Variants in POLE observed in about 807,000 individuals in gnomAD.
The protein encoded by POLE is DNA polymerase epsilon, catalytic subunit.
A neutral mutation model predicts 279.2 loss-of-function variants in POLE; 188 were observed. The observed-to-expected ratio is 0.67, with a 90% CI of 0.60 to 0.76. POLE has a LOEUF of 0.76. Ranked by LOEUF, POLE falls within the 30% of genes least tolerant of loss-of-function variation. POLE has a pLI of 0.00. For synonymous variants in POLE, 1,214 were observed against 1,172.5 expected (o/e 1.04, Z -0.72); for missense variants, 2,703 against 3,016.7 (o/e 0.90, Z 2.44).
At chr12:132,625,903 C>T (rs2041829247) in intron 46 of POLE, 133 bp from the exon 47 acceptor site, 3 of 1,293,158 alleles carry the variant, frequency 2.3e-6, no homozygotes, top group Admixed American at 2.1e-5. Flanking sequence ...CAGCTGCACG[C>T]ACTCTGGCCT....
chr12:132,653,876 T>G (rs528032657), intron 29 of POLE, among the ~76,000 whole-genome samples: 4 of 152,320 alleles, frequency 2.6e-5, no homozygotes, highest in African/African-American at 7.2e-5. Context: ...CATGAGCAGA[T>G]GTTAAAGTTT....
chr12:132,663,380 C>T (rs1287559105), intron 23 of POLE, among the ~76,000 whole-genome samples: 4 of 152,256 alleles, frequency 2.6e-5, no homozygotes, highest in African/African-American at 4.8e-5. Flanking sequence ...CGTGTGAGAA[C>T]GTGGGGAGGG....
At chr12:132,659,225 G>T in intron 26 of POLE, 70 bp downstream of exon 26, 1 of 1,495,552 alleles carries the variant, frequency 6.7e-7, no homozygotes, top group South Asian at 1.2e-5. Context: ...ACCTCTCCGT[G>T]ACGGAGGGAG....
chr12:132,674,972 G>T (rs555411743), intron 12 of POLE, among the ~76,000 whole-genome samples: 1 of 151,342 alleles, frequency 6.6e-6, no homozygotes, highest in African/African-American at 2.4e-5. Flanking sequence ...CAGAGCCCCC[G>T]AACGCCGTGA....
intron 40 of POLE, chr12:132,638,629 C>T (rs2042080498): frequency 5.9e-6 from 1 of 168,444 alleles, no homozygotes; most frequent in Non-Finnish European, 1.3e-5. Flanking sequence ...TGGTGAAGTC[C>T]ATCAAATCAG....
chr12:132,641,636 G>A lies in POLE; in HGVS notation c.5378+11C>T, dbSNP rs1373369731. Reference sequence around the variant, plus strand: ...TCTATTAGTAACACTCCTTCCCAGAGAGGGTGGCACCTGAAGGTGTTAGAG... The same window carrying A: ...TCTATTAGTAACACTCCTTCCCAGAAAGGGTGGCACCTGAAGGTGTTAGAG... On this transcript the variant is annotated intron_variant, in intron 39 of 48. Transcript: ENST00000320574. 3.7e-6 allele frequency: 6 copies of A among 1,610,568 alleles called. No individual in the cohort carries two copies. Among genetic ancestry groups the A allele is most frequent in the African/African-American group, 1.3e-5 (1 of 74,866 alleles).
At chr12:132,627,049 G>C (rs564559098) in intron 45 of POLE, among the ~76,000 whole-genome samples, 1 of 152,224 alleles carries the variant, frequency 6.6e-6, no homozygotes, top group Non-Finnish European at 1.5e-5. Context: ...GGTAGGCCAA[G>C]GCAGGTGGAT....
rs5745058 is a variant in POLE, at chr12:132,626,776, G to A, written c.6331-459C>T. 3.7e-3 allele frequency among the ~76,000 whole-genome samples: 564 copies of A among 152,200 alleles called. 6 individuals are homozygous for A. Among genetic ancestry groups the A allele is most frequent in the African/African-American group, 0.012 (512 of 41,524 alleles). ...CACATAGATAAGGTTACTAAGTTAT[G>A]GAAAAAGGTACAAAGATGATTCGAT... On this transcript the variant is annotated intron_variant, in intron 45 of 48. Coordinates refer to ENST00000320574, the MANE Select transcript of POLE (RefSeq NM_006231.4).
intron 33 of POLE, 42 bp from the exon 34 acceptor site, chr12:132,643,602 G>A (rs762471910): frequency 3.1e-6 from 5 of 1,611,428 alleles, no homozygotes; most frequent in South Asian, 1.1e-5. Context: ...GCTGGATGGT[G>A]GGGGCTCTGG....
rs1005538045 is a variant in POLE at position 132,673,613 on chromosome 12, G to T, written c.1321C>A (p.Pro441Thr). The T allele has an allele frequency of 1.2e-6, 2 of 1,613,710 alleles. No homozygotes were observed. Among genetic ancestry groups the T allele is most frequent in the Non-Finnish European group, 1.7e-6 (2 of 1,180,004 alleles). Residue 441 changes from proline (P) to threonine (T), a missense_variant, in exon 13 of 49, where the codon CCG becomes ACG. Physicochemically the swap from Pro to Thr is conservative, Grantham distance 38 (BLOSUM62 -1). Transcript: ENST00000320574. The part of the protein sequence containing the change: ...KLGYDPVELD[P>T]EDMCRMATEQ... Reference sequence around the variant, plus strand: ...GTGGCCATCCGGCACATGTCCTCCGGGTCTAGCTCCACGGGATCATAGCCT... The same window carrying T: ...GTGGCCATCCGGCACATGTCCTCCGTGTCTAGCTCCACGGGATCATAGCCT...
rs1171878347 is a variant in POLE at position 132,675,517 on chromosome 12, C to T, written c.1107G>A (p.Trp369Ter). The T allele has an allele frequency of 6.2e-7, 1 of 1,613,994 alleles. No individual in the cohort carries two copies. Among genetic ancestry groups the T allele is most frequent in the Non-Finnish European group, 8.5e-7 (1 of 1,179,988 alleles). Residue 369 changes from tryptophan (W) to a stop codon, truncating the protein, a stop_gained and splice_region_variant, in exon 12 of 49, where the codon TGG (tryptophan) becomes TGA (stop). Transcript: ENST00000320574. LOFTEE classifies it high-confidence loss of function. This position sits in a 1 kb window ranked among gnomAD's most constrained non-coding sequence, Gnocchi z 4.3. The part of the protein sequence containing the change: ...MVTYNGDFFD[W>*]PFVEARAAVH... Reference sequence around the variant, plus strand: ...CTGCTGCCCGGGCCTCCACAAATGGCCTGGGTTGGAAAGAGGACAGACAAG... The same window carrying T: ...CTGCTGCCCGGGCCTCCACAAATGGTCTGGGTTGGAAAGAGGACAGACAAG...
Position 132,635,877 on chromosome 12 carries a change from C to G in POLE, c.5811+15G>C, listed in dbSNP as rs1474087336. On this transcript the variant is annotated intron_variant, in intron 42 of 48. Transcript: ENST00000320574. ...CCCCAAAGCTGGCTCGGGTGCCACA[C>G]TGCAGCTCGCTTACCAGTCCACAGT... The G allele has an allele frequency of 6.2e-7, 1 of 1,603,116 alleles. No homozygotes were observed. Among genetic ancestry groups the G allele is most frequent in the Admixed American group, 1.7e-5 (1 of 58,776 alleles).
rs1310040745 is a variant in POLE, at chr12:132,649,046, C to T, written c.4032G>A (p.Leu1344=). The T allele has an allele frequency of 1.9e-6, 3 of 1,613,090 alleles. No homozygotes were observed. Among genetic ancestry groups the T allele is most frequent in the African/African-American group, 1.3e-5 (1 of 74,952 alleles). Residue 1344 remains leucine, a synonymous_variant, in exon 32 of 49, where the codon CTG becomes CTA. Transcript: ENST00000320574. The stretch of plus-strand genomic sequence containing the variant: ...TGCCAACGAGCGCCCACAGCCTGAA[C>T]AGGCCGGCCTGGCTGGTCTCGCTGA... The part of the protein sequence containing the change: ...VQISETSQAG[L]FRLWALVGSD...
Position 132,668,900 on chromosome 12 carries a change from C to T in POLE, c.1834G>A (p.Asp612Asn). ...GGACACTCGATGCGGCTGGGAACGT[C>T]CTTCAGGGAGGCAAGCTTGCTCTTA... is the stretch of plus-strand genomic sequence containing the variant. ...EIKSKLASLK[D>N]VPSRIECPLI... Residue 612 changes from aspartate to asparagine, a missense_variant, in exon 17 of 49, where the codon GAC becomes AAC. Physicochemically the swap from Asp to Asn is conservative, Grantham distance 23 (BLOSUM62 1). This residue lies in a region of POLE where 1,011 missense variants were observed against 1,111.7 expected (regional missense o/e 0.91). Transcript: ENST00000320574. This position sits in a 1 kb window ranked among gnomAD's most constrained non-coding sequence, Gnocchi z 4.0. 1.2e-6 allele frequency: 2 copies of T among 1,614,150 alleles called. No individual in the cohort carries two copies. The highest frequency in any genetic ancestry group is 1.7e-6 in the Non-Finnish European group (2 of 1,180,028).
In POLE at chr12:132,668,476, G is replaced by A. The variant is rs116326665; in HGVS notation, c.2053C>T (p.Arg685Trp). ...TCTGACTCCAGCTGGTGCTGGATCC[G>A]ATGGTATTCGCTGCGACTGGCTGGC... ...FMPASRSEYH[R>W]IQHQLESEKF... The change falls in exon 19 of 49, where the codon CGG becomes TGG. Residue 685 changes from arginine to tryptophan, a missense_variant. Arg to Trp is a moderately radical substitution (Grantham distance 101). Around this residue, in one of 5 missense-constraint regions of POLE, gnomAD observed 1,011 missense variants for 1,111.7 expected, o/e 0.91. Coordinates refer to ENST00000320574, the MANE Select transcript of POLE (RefSeq NM_006231.4). This position sits in a 1 kb window ranked among gnomAD's most constrained non-coding sequence, Gnocchi z 4.0. 38 of 1,606,352 alleles carry A rather than the reference G, an allele frequency of 2.4e-5. No homozygotes were observed. Among genetic ancestry groups the A allele is most frequent in the East Asian group, 2.2e-4 (10 of 44,782 alleles).
chr12:132,661,244 C>T lies in POLE; in HGVS notation c.2865-80G>A, dbSNP rs542821702. On this transcript the variant is annotated intron_variant, in intron 24 of 48. Transcript: ENST00000320574. The surrounding 1 kb of genome is among the most constrained non-coding windows in gnomAD (Gnocchi z 4.1). Reference sequence around the variant, plus strand: ...CCAGCTGTGCCTCATCCTCTCTGCCCGCCTCTTCCCTTTCCAACCCTCCAC... The same window carrying T: ...CCAGCTGTGCCTCATCCTCTCTGCCTGCCTCTTCCCTTTCCAACCCTCCAC... The T allele has an allele frequency of 6.9e-5, 90 of 1,305,190 alleles. No individual in the cohort carries two copies. The highest frequency in any genetic ancestry group is 3.0e-5 in the African/African-American group (2 of 67,654). 80.9% of individuals were successfully genotyped at this position (1,305,190 alleles called of 1,614,324 possible).
chr12:132,668,738 C>T lies in POLE; in HGVS notation c.1924-1G>A, dbSNP rs753488768. The T allele has an allele frequency of 6.2e-7, 1 of 1,613,916 alleles. No homozygotes were observed. The highest frequency in any genetic ancestry group is 8.5e-7 in the Non-Finnish European group (1 of 1,179,800). On this transcript the variant is annotated splice_acceptor_variant, in intron 17 of 48. Transcript: ENST00000320574. LOFTEE classifies it high-confidence loss of function. This position sits in a 1 kb window ranked among gnomAD's most constrained non-coding sequence, Gnocchi z 4.0. ...TGGCTTCGTCCACCATGGCAGAGGG[C>T]TGGGAGGGGTGAGAAAGCACTTAGG...
intron 29 of POLE, 85 bp downstream of exon 29, chr12:132,657,051 A>T: frequency 1.4e-6 from 2 of 1,435,286 alleles, no homozygotes; most frequent in Non-Finnish European, 1.9e-6. Context: ...AAGCTTCACT[A>T]CAGCACACAC....
intron 47 of POLE, 144 bp downstream of exon 47, chr12:132,625,501 A>G (rs2041817475): frequency 2.0e-6 from 2 of 1,013,774 alleles, no homozygotes; most frequent in African/African-American, 3.1e-5. Context: ...CATCAGGCTC[A>G]GGGCATGGAC....
Sources: gnomAD v4.1 joint callset for allele counts (sites outside exome capture counted in the v4.1 genomes callset) on GRCh38, gnomAD v4.1.1 for gene constraint, gnomAD v4.1.1 regional missense constraint, Gnocchi (gnomAD v3.1) non-coding constraint, MANE v1.5 for transcripts, NCBI Gene and HGNC (gene_info 2026-07-23, HGNC 2026-07-21) for gene names.